ISG20: variants seen among roughly 807,000 people sequenced by gnomAD.
ISG20 encodes the protein interferon-stimulated gene 20 kDa protein.
ISG20 carries 8 observed loss-of-function variants against 11.1 expected under a neutral mutation model. The ratio of observed to expected loss-of-function variants is 0.72; its 90% CI spans 0.42 to 1.30. ISG20 has a LOEUF of 1.30. ISG20 is among the 50% of genes most tolerant of loss of function. ISG20 has a pLI of 0.01. For synonymous variants in ISG20, 110 were observed against 101.7 expected (o/e 1.08, Z -0.49); for missense variants, 243 against 250.2 (o/e 0.97, Z 0.19).
chr15:88,644,533 AAAAAAAAAAAAAAAGAAAAGAC>A (rs1489856555), intron 2 of ISG20, among the ~76,000 whole-genome samples: 2 of 66,374 alleles, frequency 3.0e-5, no homozygotes, highest in Non-Finnish European at 7.1e-5. Flanking sequence ...CTTAGTCTCC[AAAAAAAAAAAAAAAGAAAAGAC>A]AAAAAAAAAA....
intron 2 of ISG20, chr15:88,648,020 AACCAGGCACTAGC>A (rs1263153452): frequency 1.3e-5 from 2 of 152,270 alleles, no homozygotes; most frequent in Admixed American, 1.3e-4. Context: ...GCCTTGTGGG[AACCAGGCACTAGC>A]CGGGGGGCGG....
Position 88,650,092 on chromosome 15 carries a change from GCT to G in ISG20, c.229-2015_229-2014del. On this transcript the variant is annotated intron_variant, in intron 2 of 3. Coordinates refer to ENST00000306072, the MANE Select transcript of ISG20 (RefSeq NM_002201.6). The surrounding 1 kb of genome is among the most constrained non-coding windows in gnomAD (Gnocchi z 4.0). Reference sequence around the variant, plus strand: ...CGGGGAAGGTGTTAGGCACCAGAAGGCTCTTTCCTGGTGTACAGGCTAAGGTC... The same window carrying G: ...CGGGGAAGGTGTTAGGCACCAGAAGGCTTTCCTGGTGTACAGGCTAAGGTC... 3 of 678,160 alleles carry G rather than the reference GCT, an allele frequency of 4.4e-6. No individual in the cohort carries two copies. In the South Asian group the frequency reaches 5.1e-5, roughly 12 times the overall value. 42.0% of individuals were successfully genotyped at this position (678,160 alleles called of 1,614,324 possible). A position where few individuals can be genotyped will look rare whatever the true frequency, so the allele number is the denominator to read the frequency against.
intron 2 of ISG20, chr15:88,647,241 C>G (rs1421934576): frequency 6.6e-6 from 1 of 152,138 alleles, no homozygotes; most frequent in Non-Finnish European, 1.5e-5. Context: ...TGGGACCCCC[C>G]CCCCACTCCA....
At chr15:88,641,868 T>C (rs1869517115) in intron 2 of ISG20, among the ~76,000 whole-genome samples, 1 of 151,642 alleles carries the variant, frequency 6.6e-6, no homozygotes, top group South Asian at 2.1e-4. Context: ...TCCGCCTGCC[T>C]TGGCCTCCCA....
At chr15:88,653,876 G>A (rs950353631) in intron 3 of ISG20, among the ~76,000 whole-genome samples, 21 of 152,324 alleles carry the variant, frequency 1.4e-4, no homozygotes, top group Admixed American at 1.2e-3. Flanking sequence ...GCCAAGCTGC[G>A]CGCATGGTAG....
intron 2 of ISG20, chr15:88,649,339 A>G (rs1596056329): frequency 6.6e-6 from 1 of 150,974 alleles, no homozygotes; most frequent in African/African-American, 2.4e-5. Flanking sequence ...CCTCATGTAG[A>G]CCCCCACTTC....
In ISG20 at chr15:88,652,155, A is replaced by G. The variant is rs1351735689; in HGVS notation, c.274A>G (p.Lys92Glu). ...CAAGCTGGTGGTGGGTCATGACCTG[A>G]AGCACGACTTCCAGGCACTGAAAGA... Reference protein sequence around the residue: ...KGKLVVGHDLKHDFQALKEDM... With the variant: ...KGKLVVGHDLEHDFQALKEDM... Residue 92 changes from lysine to glutamate, a missense_variant, in exon 3 of 4, where the codon AAG (lysine) becomes GAG (glutamate). Transcript: ENST00000306072. The G allele has an allele frequency of 5.6e-6, 9 of 1,613,932 alleles. No individual in the cohort carries two copies. The highest frequency in any genetic ancestry group is 7.6e-6 in the Non-Finnish European group (9 of 1,179,994).
rs778073121 is a variant in ISG20, at chr15:88,652,182, G to A, written c.301G>A (p.Asp101Asn). ...LKHDFQALKE[D>N]MSGYTIYDTS... The stretch of plus-strand genomic sequence containing the variant: ...GCACGACTTCCAGGCACTGAAAGAG[G>A]ACATGAGCGGCTACACAATCTACGA... The change falls in exon 3 of 4, where the codon GAC (aspartate) becomes AAC (asparagine). Residue 101 changes from aspartate (D) to asparagine (N), a missense_variant. Transcript: ENST00000306072. The A allele has an allele frequency of 8.7e-6, 14 of 1,614,094 alleles. No homozygotes were observed. The highest frequency in any genetic ancestry group is 2.2e-5 in the East Asian group (1 of 44,860).
Position 88,650,213 on chromosome 15 carries a change from C to A in ISG20, c.229-1897C>A. 6.5e-7 allele frequency: 1 copy of A among 1,531,386 alleles called. No individual in the cohort carries two copies. The highest frequency in any genetic ancestry group is 8.7e-7 in the Non-Finnish European group (1 of 1,143,008). The allele number at this position is 1,531,386 out of a possible 1,614,324, so 94.9% of individuals were successfully genotyped here. The stretch of plus-strand genomic sequence containing the variant: ...CGAGCCGCCCCTTTCCCTAATAGAG[C>A]TCACATCTGTTCTATTTTCAGGTCC... On this transcript the variant is annotated intron_variant, in intron 2 of 3. Coordinates refer to ENST00000306072, the MANE Select transcript of ISG20 (RefSeq NM_002201.6). The surrounding 1 kb of genome is among the most constrained non-coding windows in gnomAD (Gnocchi z 4.0).
chr15:88,649,889 G>C, intron 2 of ISG20: 1 of 326,374 alleles, frequency 3.1e-6, no homozygotes, highest in Admixed American at 4.2e-5. Flanking sequence ...CCGCGGGGCA[G>C]GCTGGTGACA....
chr15:88,637,018 G>C (rs1257652195), upstream of ISG20, among the ~76,000 whole-genome samples: 1 of 152,226 alleles, frequency 6.6e-6, no homozygotes, highest in Non-Finnish European at 1.5e-5. Context: ...GTGGTTGGAA[G>C]TGTGGGAGGT....
At chr15:88,651,546 T>C (rs754478156) in intron 2 of ISG20, 4 of 177,776 alleles carry the variant, frequency 2.3e-5, no homozygotes, top group Non-Finnish European at 4.4e-5. Flanking sequence ...AGCAACAGCC[T>C]GTTTTCCTCA....
At chr15:88,651,922 T>C in intron 2 of ISG20, 188 bp from the exon 3 acceptor site, 1 of 1,422,918 alleles carries the variant, frequency 7.0e-7, no homozygotes, top group Non-Finnish European at 9.2e-7. Flanking sequence ...AGAATGAAAC[T>C]ATCAGGTGTG....
chr15:88,638,987 T>G (rs941098366), upstream of ISG20: 23 of 262,876 alleles, frequency 8.7e-5, no homozygotes, highest in Non-Finnish European at 1.4e-4. Flanking sequence ...CGGCTTGGAG[T>G]TAGAGATGAG....
At chr15:88,636,126 G>C (rs936109283), upstream of ISG20, 6 of 152,256 alleles carry the variant, frequency 3.9e-5, no homozygotes, top group Non-Finnish European at 8.8e-5. Context: ...TCCAGAGAGG[G>C]CCACAGAGTG....
chr15:88,652,906 A>G (rs1227728439), intron 3 of ISG20, among the ~76,000 whole-genome samples: 3 of 151,642 alleles, frequency 2.0e-5, no homozygotes, highest in Non-Finnish European at 4.4e-5. Flanking sequence ...GGGAACTGGG[A>G]TATTTGTACA....
upstream of ISG20, among the ~76,000 whole-genome samples, chr15:88,635,636 T>G (rs2057974250): frequency 6.6e-6 from 1 of 152,216 alleles, no homozygotes; most frequent in Non-Finnish European, 1.5e-5. Flanking sequence ...GGTTTCAGAC[T>G]GCATCCCGAC....
chr15:88,644,258 G>A (rs2058130482), intron 2 of ISG20, among the ~76,000 whole-genome samples: 3 of 152,116 alleles, frequency 2.0e-5, no homozygotes, highest in South Asian at 4.1e-4. Flanking sequence ...CAGAGGCTGG[G>A]CATGGTGGCT....
chr15:88,652,045 C>T, intron 2 of ISG20, 65 bp from the exon 3 acceptor site: 2 of 1,603,658 alleles, frequency 1.2e-6, no homozygotes, highest in Admixed American at 1.7e-5. Flanking sequence ...TGCTCCCTTG[C>T]CAGCCCCAGC....
Sources: gnomAD v4.1 joint callset for allele counts (sites outside exome capture counted in the v4.1 genomes callset) on GRCh38, gnomAD v4.1.1 for gene constraint, Gnocchi (gnomAD v3.1) non-coding constraint, MANE v1.5 for transcripts, NCBI Gene and HGNC (gene_info 2026-07-23, HGNC 2026-07-21) for gene names.